AHI1: variants seen among roughly 807,000 people sequenced by gnomAD.
The protein encoded by AHI1 is jouberin.
In AHI1, 123 loss-of-function variants were observed where a neutral mutation model predicts 149.3. That is an observed-to-expected ratio of 0.82 (90% confidence interval 0.71 to 0.96). AHI1 has a LOEUF of 0.96. AHI1 is among the 40% of genes least tolerant of loss of function. The pLI is 0.00. For synonymous variants in AHI1, 475 were observed against 459.8 expected, an observed-to-expected ratio of 1.03 and a Z score of -0.42; for missense variants, 1,439 against 1,422.7, an observed-to-expected ratio of 1.01 and a Z score of -0.18.
intron 20 of AHI1, among the ~76,000 whole-genome samples, chr6:135,424,167 T>C (rs778276230): frequency 7.9e-5 from 12 of 152,002 alleles, no homozygotes; most frequent in Non-Finnish European, 1.6e-4. Context: ...GGAAATTTAG[T>C]GTAGCAAATA....
chr6:135,336,357 G>A (rs1291474572), intron 24 of AHI1, among the ~76,000 whole-genome samples: 1 of 152,048 alleles, frequency 6.6e-6, no homozygotes, highest in African/African-American at 2.4e-5. Context: ...CAGCACTCTG[G>A]GAGGCTGAGG....
chr6:135,469,607 GAACAAA>G (rs1791372051), intron 5 of AHI1, among the ~76,000 whole-genome samples: 2 of 152,022 alleles, frequency 1.3e-5, no homozygotes, highest in South Asian at 4.2e-4. Flanking sequence ...CATGGTACAG[GAACAAA>G]AACAGACATA....
At chr6:135,443,116 G>C (rs893439427) in intron 13 of AHI1, among the ~76,000 whole-genome samples, 1 of 152,030 alleles carries the variant, frequency 6.6e-6, no homozygotes, top group Non-Finnish European at 1.5e-5. Flanking sequence ...AGTACCTATG[G>C]GGCCTAGCTT....
intron 22 of AHI1, among the ~76,000 whole-genome samples, chr6:135,399,164 C>G (rs1353387535): frequency 6.6e-6 from 1 of 152,162 alleles, no homozygotes; most frequent in Non-Finnish European, 1.5e-5. Flanking sequence ...GCTTGGGTGA[C>G]AGGGAAGACC....
rs1304871959 is a variant in AHI1, at chr6:135,463,165, T to A, written c.891A>T (p.Thr297=). Reference sequence around the variant, plus strand: ...TTTTTGTTTTTTTTGGTTTAGGTTTTGTATCATCTTGCATGCTGTCTTCTG... The same window carrying A: ...TTTTTGTTTTTTTTGGTTTAGGTTTAGTATCATCTTGCATGCTGTCTTCTG... The part of the protein sequence containing the change: ...QSTEDSMQDD[T]KPKPKKTKKK... Residue 297 remains threonine (T), a synonymous_variant, in exon 8 of 29, where the codon ACA becomes ACT. Coordinates refer to ENST00000265602, the MANE Select transcript of AHI1 (RefSeq NM_001134831.2). 1 of 1,602,954 alleles carries A rather than the reference T, an allele frequency of 6.2e-7. No homozygotes were observed. The highest frequency in any genetic ancestry group is 8.5e-7 in the Non-Finnish European group (1 of 1,176,228).
intron 24 of AHI1, among the ~76,000 whole-genome samples, chr6:135,346,865 T>G (rs1406788610): frequency 6.6e-6 from 1 of 152,160 alleles, no homozygotes; most frequent in Non-Finnish European, 1.5e-5. Flanking sequence ...GCCAGTGCAC[T>G]TCAAAAACCA....
intron 5 of AHI1, 128 bp from the exon 6 acceptor site, chr6:135,467,762 G>A (rs752059493): frequency 8.5e-5 from 50 of 586,702 alleles, no homozygotes; most frequent in Non-Finnish European, 1.4e-4. Flanking sequence ...TGGACATAGT[G>A]ATACTATCTT....
At chr6:135,472,968 C>T in intron 5 of AHI1, among the ~76,000 whole-genome samples, 1 of 152,234 alleles carries the variant, frequency 6.6e-6, no homozygotes, top group Admixed American at 6.5e-5. Flanking sequence ...GCAATGCTTT[C>T]AATTTTCACA....
chr6:135,383,437 G>A (rs1192874006), intron 23 of AHI1, among the ~76,000 whole-genome samples: 1 of 138,592 alleles, frequency 7.2e-6, no homozygotes, highest in African/African-American at 2.9e-5. Context: ...GGGTCCCACT[G>A]TGTGGCCCAG....
intron 26 of AHI1, among the ~76,000 whole-genome samples, chr6:135,305,379 A>G (rs938048963): frequency 6.6e-6 from 1 of 152,244 alleles, no homozygotes; most frequent in East Asian, 1.9e-4. Flanking sequence ...ATAAATTGTA[A>G]TCAAAACTAT....
In AHI1 at chr6:135,431,226, G is replaced by A. The variant is rs376571444; in HGVS notation, c.2355C>T (p.His785=). The A allele has an allele frequency of 4.4e-6, 7 of 1,597,262 alleles. No individual in the cohort carries two copies. The African/African-American group carries it at 8.1e-5, about 18-fold the overall frequency. Residue 785 remains histidine (H), a synonymous_variant, in exon 17 of 29, where the codon CAC becomes CAT. Transcript: ENST00000265602. ...TTTATACCTTATTTATAGTCCAGTG[G>A]TGCACTGAATGTTCCAAATCATTAA... The part of the protein sequence containing the change: ...VKINDLEHSV[H]HWTINKEIKE...
rs539507479 is a variant in AHI1, at chr6:135,425,336, A to C, written c.2764+1831T>G. Among the ~76,000 whole-genome samples the C allele has an allele frequency of 4.4e-4, 67 of 152,076 alleles. No individual in the cohort carries two copies. The South Asian group carries it at 0.013, about 30-fold the overall frequency. ...AATTTTATGCATTTATATTCTAATA[A>C]ATTGACCTGGAAAGAAACATACTTT... On this transcript the variant is annotated intron_variant, in intron 20 of 28. Coordinates refer to ENST00000265602, the MANE Select transcript of AHI1 (RefSeq NM_001134831.2).
intron 4 of AHI1, among the ~76,000 whole-genome samples, chr6:135,491,762 T>C (rs1398766747): frequency 6.6e-6 from 1 of 152,202 alleles, no homozygotes; most frequent in Non-Finnish European, 1.5e-5. Flanking sequence ...TAGTCACTTG[T>C]TTTTGTAAAG....
chr6:135,394,577 G>A (rs1210696547), intron 23 of AHI1, 199 bp downstream of exon 23: 31 of 638,080 alleles, frequency 4.9e-5, no homozygotes, highest in Admixed American at 1.1e-4. Flanking sequence ...TAGGTTCAGT[G>A]TATCTACTGT....
intron 15 of AHI1, among the ~76,000 whole-genome samples, chr6:135,434,197 GA>G (rs147267967): frequency 1.1e-3 from 168 of 148,812 alleles, no homozygotes; most frequent in Middle Eastern, 0.01. Flanking sequence ...ACTGATAAGA[GA>G]AAAAAAAACA....
intron 3 of AHI1, 106 bp from the exon 4 acceptor site, chr6:135,492,397 G>A (rs1583516559): frequency 1.5e-6 from 2 of 1,343,994 alleles, no homozygotes; most frequent in African/African-American, 3.0e-5. Context: ...ACTTCATTAA[G>A]TTTATACCAA....
intron 2 of AHI1, 116 bp from the exon 3 acceptor site, chr6:135,496,014 T>C (rs1272286420): frequency 6.6e-6 from 1 of 152,148 alleles, no homozygotes; most frequent in Non-Finnish European, 1.5e-5. Flanking sequence ...ATAAAATATA[T>C]AAATCATATA....
At chr6:135,426,030 T>C (rs1015400045) in intron 20 of AHI1, among the ~76,000 whole-genome samples, 3 of 151,796 alleles carry the variant, frequency 2.0e-5, no homozygotes, top group Non-Finnish European at 4.4e-5. Flanking sequence ...ATAAAGTACT[T>C]TGGTATAACT....
In AHI1 at chr6:135,455,894, T is replaced by A; in HGVS notation, c.1184A>T (p.Glu395Val). ...GRPVSSYYEKENVDYILPIMT... is the reference protein window; with the variant it reads ...GRPVSSYYEKVNVDYILPIMT... The stretch of plus-strand genomic sequence containing the variant: ...AATAGGAAGAATATAATCCACATTC[T>A]CTTTTTCATAGTAAGATGAAACAGG... The change falls in exon 10 of 29, where the codon GAG becomes GTG. Residue 395 changes from glutamate to valine, a missense_variant. Physicochemically the swap from Glu to Val is moderately radical, Grantham distance 121. Coordinates refer to ENST00000265602, the MANE Select transcript of AHI1 (RefSeq NM_001134831.2). 1 of 1,530,082 alleles carries A rather than the reference T, an allele frequency of 6.5e-7. No homozygotes were observed. The allele number at this position is 1,530,082 out of a possible 1,614,324, so 94.8% of individuals were successfully genotyped here. A position where few individuals can be genotyped will look rare whatever the true frequency, so the allele number is the denominator to read the frequency against.
Sources: gnomAD v4.1 joint callset for allele counts (sites outside exome capture counted in the v4.1 genomes callset) on GRCh38, gnomAD v4.1.1 for gene constraint, MANE v1.5 for transcripts, NCBI Gene and HGNC (gene_info 2026-07-23, HGNC 2026-07-21) for gene names.